Variants in RHOBTB1 observed in about 807,000 individuals in gnomAD.
RHOBTB1 encodes rho-related BTB domain-containing protein 1.
A neutral mutation model predicts 71.6 loss-of-function variants in RHOBTB1; 40 were observed. The ratio of observed to expected loss-of-function variants is 0.56; its 90% CI spans 0.43 to 0.73. RHOBTB1 has a LOEUF of 0.73. Among genes scored for constraint, RHOBTB1 ranks in the 30% least tolerant of loss-of-function variants. RHOBTB1 has a pLI of 0.00. For synonymous variants in RHOBTB1, 319 were observed against 334.9 expected (o/e 0.95, Z 0.52); for missense variants, 797 against 894.0 (o/e 0.89, Z 1.38).
chr10:60,923,729 T>C (rs2083699027), intron 2 of RHOBTB1, among the ~76,000 whole-genome samples: 1 of 152,162 alleles, frequency 6.6e-6, no homozygotes, highest in African/African-American at 2.4e-5. Context: ...TGGGGGTGGT[T>C]TACTCCATAC....
chr10:60,869,288 T>C (rs1036032521), downstream of RHOBTB1: 2 of 152,214 alleles, frequency 1.3e-5, no homozygotes, highest in African/African-American at 2.4e-5. Context: ...CAATACCCAA[T>C]ACAAAAATGA....
intron 2 of RHOBTB1, among the ~76,000 whole-genome samples, chr10:60,985,636 C>T (rs139661763): frequency 4.9e-4 from 74 of 152,140 alleles, no homozygotes; most frequent in Non-Finnish European, 1.0e-3. Flanking sequence ...AAATTCTAAA[C>T]CAGATAAAAT....
At chr10:60,901,492 T>A (rs1369379652) in intron 4 of RHOBTB1, among the ~76,000 whole-genome samples, 1 of 152,182 alleles carries the variant, frequency 6.6e-6, no homozygotes, top group Non-Finnish European at 1.5e-5. Flanking sequence ...ATCCTTTCCT[T>A]TTGGATTACC....
chr10:60,951,653 T>C lies in RHOBTB1; in HGVS notation c.-61-9799A>G, dbSNP rs74963121. 6.3e-3 allele frequency among the ~76,000 whole-genome samples: 960 copies of C among 152,350 alleles called. 37 individuals are homozygous for C. In the East Asian group the frequency reaches 0.13, roughly 20 times the overall value. ...TCACATCCTGTCACGGTATCCATCT[T>C]AGAAGAGCTTGAAGATTTGGTGAGA... On this transcript the variant is annotated intron_variant, in intron 2 of 11. Coordinates refer to the RHOBTB1 transcript ENST00000357917.
At chr10:60,881,297 A>G (rs944781697) in intron 7 of RHOBTB1, among the ~76,000 whole-genome samples, 5 of 152,236 alleles carry the variant, frequency 3.3e-5, no homozygotes, top group Admixed American at 2.0e-4. Context: ...CAGCATGAAA[A>G]TGGACTAATA....
chr10:60,912,199 G>A (rs2083017452), intron 2 of RHOBTB1, among the ~76,000 whole-genome samples: 1 of 145,134 alleles, frequency 6.9e-6, no homozygotes, highest in Non-Finnish European at 1.5e-5. Context: ...ATATATGTGT[G>A]TGTGTATATA....
intron 7 of RHOBTB1, among the ~76,000 whole-genome samples, chr10:60,880,177 C>CTCTGTGTGTG (rs370670323): frequency 1.7e-3 from 171 of 100,334 alleles, no homozygotes; most frequent in African/African-American, 4.8e-3. Flanking sequence ...TGAGGGATGA[C>CTCTGTGTGTG]TGTGTGTGTG....
chr10:60,887,689 G>A (rs2081655167), intron 6 of RHOBTB1, among the ~76,000 whole-genome samples: 1 of 152,170 alleles, frequency 6.6e-6, no homozygotes, highest in Non-Finnish European at 1.5e-5. Flanking sequence ...GAAGATGGAG[G>A]GCCACCAAAA....
intron 2 of RHOBTB1, among the ~76,000 whole-genome samples, chr10:60,926,570 T>C (rs1034202711): frequency 6.6e-6 from 1 of 152,148 alleles, no homozygotes; most frequent in Non-Finnish European, 1.5e-5. Flanking sequence ...GTAAGGATGG[T>C]TCAACATATG....
intron 4 of RHOBTB1, among the ~76,000 whole-genome samples, chr10:60,897,076 T>C (rs1377276089): frequency 6.6e-6 from 1 of 152,146 alleles, no homozygotes; most frequent in Non-Finnish European, 1.5e-5. Context: ...CATGCAAAGT[T>C]GGGACCAATC....
chr10:60,933,692 C>T (rs1307447545), intron 2 of RHOBTB1, among the ~76,000 whole-genome samples: 3 of 151,034 alleles, frequency 2.0e-5, no homozygotes, highest in Admixed American at 2.0e-4. Context: ...GAGTGAGAAT[C>T]CGTCAAAAAA....
intron 2 of RHOBTB1, among the ~76,000 whole-genome samples, chr10:60,930,982 T>C (rs1210798332): frequency 6.6e-6 from 1 of 151,650 alleles, no homozygotes; most frequent in Non-Finnish European, 1.5e-5. Context: ...ATCTCTGTCA[T>C]GTAACAGGAA....
downstream of RHOBTB1, among the ~76,000 whole-genome samples, chr10:60,868,715 G>A (rs2132117711): frequency 6.6e-6 from 1 of 152,290 alleles, no homozygotes; most frequent in African/African-American, 2.4e-5. Context: ...TAAGGGTGCT[G>A]ACATCCCTGA....
intron 4 of RHOBTB1, among the ~76,000 whole-genome samples, chr10:60,906,252 G>A (rs937569701): frequency 6.6e-6 from 1 of 152,218 alleles, no homozygotes; most frequent in African/African-American, 2.4e-5. Context: ...AGGTTTGCTT[G>A]GATGTATCAT....
At chr10:60,966,762 T>C (rs1384455524) in intron 2 of RHOBTB1, among the ~76,000 whole-genome samples, 1 of 151,882 alleles carries the variant, frequency 6.6e-6, no homozygotes, top group African/African-American at 2.4e-5. Context: ...TATGTATACA[T>C]GTGTCATGTT....
At chr10:60,982,938 G>A (rs985278554) in intron 2 of RHOBTB1, among the ~76,000 whole-genome samples, 1 of 151,990 alleles carries the variant, frequency 6.6e-6, no homozygotes, top group African/African-American at 2.4e-5. Flanking sequence ...AGGGAAAGGC[G>A]GTGCACATGA....
chr10:60,945,932 C>G (rs988503399), upstream of RHOBTB1, among the ~76,000 whole-genome samples: 2 of 152,196 alleles, frequency 1.3e-5, no homozygotes, highest in Non-Finnish European at 2.9e-5. Context: ...GTAATCCTAG[C>G]GCTTTGGGAG....
At chr10:60,863,401 GTATT>G in the RHOBTB1 span, among the ~76,000 whole-genome samples, 1 of 151,638 alleles carries the variant, frequency 6.6e-6, no homozygotes, top group Non-Finnish European at 1.5e-5. Context: ...TTTTTCATCC[GTATT>G]TATTTTTTGT....
intron 4 of RHOBTB1, among the ~76,000 whole-genome samples, chr10:60,906,096 T>A (rs553034958): frequency 2.0e-5 from 3 of 152,332 alleles, no homozygotes; most frequent in Non-Finnish European, 4.4e-5. Flanking sequence ...AATCAGTGTC[T>A]AAGAATAAAC....
Sources: gnomAD v4.1 joint callset for allele counts (sites outside exome capture counted in the v4.1 genomes callset) on GRCh38, gnomAD v4.1.1 for gene constraint, MANE v1.5 for transcripts, NCBI Gene and HGNC (gene_info 2026-07-23, HGNC 2026-07-21) for gene names.